Variants in INPP4B observed in about 807,000 individuals in gnomAD.
The protein encoded by INPP4B is inositol polyphosphate 4-phosphatase type II.
INPP4B carries 55 observed loss-of-function variants against 122.5 expected under a neutral mutation model. That is an observed-to-expected ratio of 0.45 (90% CI 0.36 to 0.56). The LOEUF (loss-of-function observed/expected upper bound fraction) is 0.56. Ranked by LOEUF, INPP4B falls within the 20% of genes least tolerant of loss-of-function variation. The pLI, the probability that INPP4B is intolerant of heterozygous loss-of-function variation, is 0.00. For synonymous variants in INPP4B, 403 were observed against 388.7 expected, an observed-to-expected ratio of 1.04 and a Z score of -0.43; for missense variants, 1,000 against 1,097.7, an observed-to-expected ratio of 0.91 and a Z score of 1.26.
intron 2 of INPP4B, among the ~76,000 whole-genome samples, chr4:142,666,878 G>A (rs1049492774): frequency 5.9e-5 from 9 of 152,154 alleles, no homozygotes; most frequent in Admixed American, 1.3e-4. Context: ...CACAACCTGA[G>A]ACTTTTTTCA....
chr4:142,047,542 G>A (rs1752223488), intron 25 of INPP4B, among the ~76,000 whole-genome samples: 1 of 152,112 alleles, frequency 6.6e-6, no homozygotes, highest in East Asian at 1.9e-4. Context: ...GGCCTCCAGA[G>A]AAGGACCGAG....
At chr4:142,663,375 C>G (rs898851428) in intron 2 of INPP4B, among the ~76,000 whole-genome samples, 1 of 151,930 alleles carries the variant, frequency 6.6e-6, no homozygotes, top group Non-Finnish European at 1.5e-5. Context: ...AAATTAATTT[C>G]ATTTATCTTT....
chr4:142,578,867 T>G (rs957640310), intron 2 of INPP4B, among the ~76,000 whole-genome samples: 4 of 152,040 alleles, frequency 2.6e-5, no homozygotes, highest in African/African-American at 9.7e-5. Flanking sequence ...GACTGTGATC[T>G]ATTACATTTT....
intron 9 of INPP4B, among the ~76,000 whole-genome samples, chr4:142,286,270 T>C (rs1213150183): frequency 6.6e-6 from 1 of 152,214 alleles, no homozygotes; most frequent in Non-Finnish European, 1.5e-5. Context: ...TTTTAGAACA[T>C]TATTTAGAGA....
chr4:142,139,120 T>C (rs1030221875), intron 18 of INPP4B, among the ~76,000 whole-genome samples: 3 of 152,184 alleles, frequency 2.0e-5, no homozygotes, highest in African/African-American at 7.2e-5. Context: ...GACAGGGCCA[T>C]GACTGAACGT....
intron 2 of INPP4B, among the ~76,000 whole-genome samples, chr4:142,550,474 G>A (rs1425693265): frequency 1.3e-5 from 2 of 151,816 alleles, no homozygotes; most frequent in African/African-American, 4.8e-5. Context: ...TCTCTTTGAG[G>A]TAGGAGAGTT....
intron 25 of INPP4B, among the ~76,000 whole-genome samples, chr4:142,038,858 A>T (rs1276917243): frequency 2.6e-5 from 4 of 151,964 alleles, no homozygotes; most frequent in South Asian, 2.1e-4. Flanking sequence ...CTTTTTAGAT[A>T]TTTTTTTTCA....
At chr4:142,584,343 A>G (rs1176951159) in intron 2 of INPP4B, among the ~76,000 whole-genome samples, 4 of 152,136 alleles carry the variant, frequency 2.6e-5, no homozygotes, top group Admixed American at 6.6e-5. Context: ...ATACATTATT[A>G]TTATCTAAAG....
At chr4:142,225,656 C>G (rs1415046337) in intron 12 of INPP4B, among the ~76,000 whole-genome samples, 2 of 151,582 alleles carry the variant, frequency 1.3e-5, no homozygotes, top group Non-Finnish European at 1.5e-5. Context: ...AAGATCCTCC[C>G]ACCTCACTTC....
intron 5 of INPP4B, among the ~76,000 whole-genome samples, chr4:142,419,223 G>A (rs1400152565): frequency 6.6e-6 from 1 of 152,078 alleles, no homozygotes; most frequent in African/African-American, 2.4e-5. Flanking sequence ...TCCTAAACAA[G>A]CGAGTGGTGT....
At chr4:142,461,553 G>GA (rs1283558959) in intron 3 of INPP4B, among the ~76,000 whole-genome samples, 1 of 151,918 alleles carries the variant, frequency 6.6e-6, no homozygotes, top group Non-Finnish European at 1.5e-5. Flanking sequence ...TCTTCAGCTG[G>GA]AAAAAAATAA....
intron 1 of INPP4B, among the ~76,000 whole-genome samples, chr4:142,808,205 G>T (rs1779092201): frequency 6.6e-6 from 1 of 151,996 alleles, no homozygotes; most frequent in East Asian, 1.9e-4. Flanking sequence ...TCTTTTTCTT[G>T]TTTCATTTTG....
chr4:142,058,466 C>G (rs2152426082), intron 25 of INPP4B, among the ~76,000 whole-genome samples: 1 of 152,152 alleles, frequency 6.6e-6, no homozygotes, highest in African/African-American at 2.4e-5. Flanking sequence ...CTGAAAGTAA[C>G]TTTGAGGAAG....
At chr4:142,222,297 T>A (rs1203717491) in intron 12 of INPP4B, among the ~76,000 whole-genome samples, 1 of 152,192 alleles carries the variant, frequency 6.6e-6, no homozygotes, top group Non-Finnish European at 1.5e-5. Context: ...ATTATACTTA[T>A]CTATTCAGTT....
intron 19 of INPP4B, 106 bp from the exon 20 acceptor site, chr4:142,123,521 T>G: frequency 9.5e-7 from 1 of 1,055,784 alleles, no homozygotes; most frequent in South Asian, 1.7e-5. Flanking sequence ...TTATCAGGTA[T>G]GTATAACAAA....
intron 19 of INPP4B, among the ~76,000 whole-genome samples, chr4:142,124,066 G>A (rs1216217216): frequency 6.6e-6 from 1 of 152,072 alleles, no homozygotes; most frequent in Non-Finnish European, 1.5e-5. Flanking sequence ...TATGAATCAT[G>A]TTGGGTGTAG....
chr4:142,178,438 G>T (rs758957382), intron 15 of INPP4B, among the ~76,000 whole-genome samples: 1 of 152,068 alleles, frequency 6.6e-6, no homozygotes, highest in Non-Finnish European at 1.5e-5. Context: ...GTTTGAAGAC[G>T]GCAGGAGGCA....
intron 2 of INPP4B, among the ~76,000 whole-genome samples, chr4:142,674,466 A>G (rs1344299356): frequency 6.6e-6 from 1 of 151,998 alleles, no homozygotes; most frequent in Admixed American, 6.6e-5. Context: ...CATTAAAAAT[A>G]TATGCCATTT....
At chr4:142,811,475 A>G (rs1006005564) in intron 1 of INPP4B, among the ~76,000 whole-genome samples, 1 of 152,204 alleles carries the variant, frequency 6.6e-6, no homozygotes, top group South Asian at 2.1e-4. Context: ...GTGGATATCA[A>G]TGGAAAGCTT....
Sources: gnomAD v4.1 joint callset for allele counts (sites outside exome capture counted in the v4.1 genomes callset) on GRCh38, gnomAD v4.1.1 for gene constraint, MANE v1.5 for transcripts, NCBI Gene and HGNC (gene_info 2026-07-23, HGNC 2026-07-21) for gene names.